Variants in BABAM1 observed in about 807,000 individuals in gnomAD.
BABAM1 encodes BRISC and BRCA1 A complex member 1.
A neutral mutation model predicts 34.4 loss-of-function variants in BABAM1; 14 were observed. That is an observed-to-expected ratio of 0.41 (90% confidence interval 0.27 to 0.64). BABAM1 has a LOEUF of 0.64. BABAM1 is among the 30% of genes least tolerant of loss of function. The probability of loss-of-function intolerance (pLI) is 0.34; values close to 1 mark genes in which losing one functional copy is unlikely to be tolerated. For missense variants in BABAM1, 393 were observed against 434.0 expected, an observed-to-expected ratio of 0.91 and a Z score of 0.84; for synonymous variants, 169 against 165.8, an observed-to-expected ratio of 1.02 and a Z score of -0.15.
At position 17,276,619 on chromosome 19, in the gene BABAM1, A is replaced by G. The variant is rs1368037577; in HGVS notation, c.694A>G (p.Met232Val). 6.2e-7 allele frequency: 1 copy of G among 1,603,998 alleles called. No homozygotes were observed. Among genetic ancestry groups the G allele is most frequent in the East Asian group, 2.2e-5 (1 of 44,470 alleles). Reference sequence around the variant, plus strand: ...GCCCCAGTTCTCCTTGACGGAGCCCATGAAGGTGGGTGAGGCCTGGGAGAG... The same window carrying G: ...GCCCCAGTTCTCCTTGACGGAGCCCGTGAAGGTGGGTGAGGCCTGGGAGAG... ...CQPQFSLTEP[M>V]KKMFQCPYFF... The change falls in exon 7 of 9, where the codon ATG (methionine) becomes GTG (valine). Residue 232 changes from methionine to valine, a missense_variant. Met to Val is a conservative substitution (Grantham distance 21, BLOSUM62 1). Transcript: ENST00000598188.
chr19:17,268,353 A>C (rs1248964231), intron 1 of BABAM1, among the ~76,000 whole-genome samples: 3 of 151,734 alleles, frequency 2.0e-5, no homozygotes, highest in Admixed American at 2.0e-4. Flanking sequence ...GCAGCTGAGG[A>C]AAGTGACTCC....
intron 3 of BABAM1, 120 bp downstream of exon 3, chr19:17,271,775 A>G: frequency 3.4e-6 from 4 of 1,160,570 alleles, no homozygotes; most frequent in East Asian, 2.6e-5. Flanking sequence ...GCTTGGCAGT[A>G]TCAGAGATTA....
chr19:17,270,524 CTTTTTTTTTTTT>C (rs955870596), intron 2 of BABAM1, among the ~76,000 whole-genome samples: 1 of 125,894 alleles, frequency 7.9e-6, no homozygotes, highest in African/African-American at 3.0e-5. Flanking sequence ...AGGTCACATT[CTTTTTTTTTTTT>C]TTTTTTTTGA....
At chr19:17,269,507 C>T (rs141393687) in intron 2 of BABAM1, among the ~76,000 whole-genome samples, 3,750 of 151,818 alleles carry the variant, frequency 0.025, 157 homozygotes, top group African/African-American at 0.085. Flanking sequence ...CCCACCACAA[C>T]GCCCGGCTAA....
intron 2 of BABAM1, among the ~76,000 whole-genome samples, chr19:17,270,711 G>A (rs1406272684): frequency 2.0e-5 from 3 of 150,976 alleles, no homozygotes; most frequent in East Asian, 3.9e-4. Context: ...TTTTTGAGAC[G>A]GAGTCTCGCT....
chr19:17,273,991 T>C lies in BABAM1; in HGVS notation c.432T>C (p.Phe144=). Residue 144 remains phenylalanine, a synonymous_variant, in exon 4 of 9, where the codon TTT becomes TTC. Coordinates refer to ENST00000598188, the MANE Select transcript of BABAM1 (RefSeq NM_014173.4). ...ACAAGATCGACAAAAGCCACGAGTT[T>C]GCACTGGTGGTGGTGAACGATGACA... The part of the protein sequence containing the change: ...TKHKIDKSHE[F]ALVVVNDDTA... 1 of 1,613,958 alleles carries C rather than the reference T, an allele frequency of 6.2e-7. No homozygotes were observed. Among genetic ancestry groups the C allele is most frequent in the South Asian group, 1.1e-5 (1 of 91,082 alleles).
intron 1 of BABAM1, among the ~76,000 whole-genome samples, chr19:17,267,986 G>C (rs997177983): frequency 6.6e-5 from 10 of 152,072 alleles, no homozygotes; most frequent in African/African-American, 2.2e-4. Flanking sequence ...GCTGGGTCCA[G>C]GTGGTCAGAA....
Position 17,279,165 on chromosome 19 carries a change from G to A in BABAM1, c.*117G>A. 2 of 1,083,622 alleles carry A rather than the reference G, an allele frequency of 1.8e-6. No homozygotes were observed. Among genetic ancestry groups the A allele is most frequent in the Admixed American group, 2.3e-5 (1 of 43,012 alleles). The allele number at this position is 1,083,622 out of a possible 1,614,324, so 67.1% of individuals were successfully genotyped here. A position where few individuals can be genotyped will look rare whatever the true frequency, so the allele number is the denominator to read the frequency against. Reference sequence around the variant, plus strand: ...GGGGGGGTTCCAGGAGGCACGTAGGGTACCTTGCAGGGTCCTAGGAGGGAA... The same window carrying A: ...GGGGGGGTTCCAGGAGGCACGTAGGATACCTTGCAGGGTCCTAGGAGGGAA... On this transcript the variant is annotated 3_prime_UTR_variant, in exon 9 of 9. Coordinates refer to ENST00000598188, the MANE Select transcript of BABAM1 (RefSeq NM_014173.4).
intron 8 of BABAM1, 57 bp from the exon 9 acceptor site, chr19:17,278,788 C>T: frequency 1.3e-6 from 2 of 1,508,884 alleles, no homozygotes; most frequent in Admixed American, 1.9e-5. Flanking sequence ...ATATGAAGGG[C>T]CTGTTGGGGT....
chr19:17,271,544 G>C (rs2073840742), intron 2 of BABAM1, 53 bp from the exon 3 acceptor site: 1 of 1,588,906 alleles, frequency 6.3e-7, no homozygotes, highest in Non-Finnish European at 8.6e-7. Context: ...TGAGTGGTGT[G>C]GGGGCCAACG....
chr19:17,273,822 C>G, intron 3 of BABAM1, 82 bp from the exon 4 acceptor site: 1 of 1,489,624 alleles, frequency 6.7e-7, no homozygotes, highest in Non-Finnish European at 9.0e-7. Flanking sequence ...CTCAGCCTCC[C>G]AAAGTACTGG....
intron 3 of BABAM1, among the ~76,000 whole-genome samples, chr19:17,272,468 C>T (rs1040689051): frequency 2.0e-5 from 3 of 150,188 alleles, no homozygotes; most frequent in South Asian, 4.4e-4. Flanking sequence ...TGCAGTGGTG[C>T]GATCTCCGCT....
chr19:17,276,563 C>T lies in BABAM1; in HGVS notation c.638C>T (p.Thr213Ile). 6.2e-7 allele frequency: 1 copy of T among 1,605,870 alleles called. No individual in the cohort carries two copies. Among genetic ancestry groups the T allele is most frequent in the African/African-American group, 1.3e-5 (1 of 74,802 alleles). ...ATTCCCCCGCCATATGTGGTCCGCA[C>T]CATCCTTGTCTACAGCCGTCCACCT... ...QTIPPPYVVR[T>I]ILVYSRPPCQ... The change falls in exon 7 of 9, where the codon ACC becomes ATC. Residue 213 changes from threonine to isoleucine, a missense_variant. By Grantham distance (89) the Thr-to-Ile change is moderately conservative. Transcript: ENST00000598188.
In BABAM1 at chr19:17,274,169, C is replaced by A; in HGVS notation, c.528C>A (p.Ala176=). 6.2e-7 allele frequency: 1 copy of A among 1,613,278 alleles called. No homozygotes were observed. The highest frequency in any genetic ancestry group is 1.1e-5 in the South Asian group (1 of 91,046). The part of the protein sequence containing the change: ...LCSCLYDLET[A]SCSTFNLEGL... ...GCTGCCTCTATGATCTGGAGACGGC[C>A]TCCTGTTCCACCTTCAGTATCCTTC... Residue 176 remains alanine (A), a synonymous_variant, in exon 5 of 9, where the codon GCC becomes GCA. Coordinates refer to ENST00000598188, the MANE Select transcript of BABAM1 (RefSeq NM_014173.4).
At chr19:17,273,625 G>A (rs1284488079) in intron 3 of BABAM1, among the ~76,000 whole-genome samples, 3 of 144,154 alleles carry the variant, frequency 2.1e-5, no homozygotes, top group Middle Eastern at 3.6e-3. Flanking sequence ...CTGCAGTGGC[G>A]CGATCTCAGC....
intron 7 of BABAM1, 50 bp from the exon 8 acceptor site, chr19:17,276,773 C>A (rs931575960): frequency 6.4e-7 from 1 of 1,567,130 alleles, no homozygotes. Context: ...AGTCATGGGG[C>A]ACGGGGTGAC....
intron 3 of BABAM1, among the ~76,000 whole-genome samples, chr19:17,272,852 C>T (rs1454929488): frequency 3.3e-5 from 5 of 152,142 alleles, no homozygotes; most frequent in African/African-American, 1.2e-4. Flanking sequence ...CCCCCACCTC[C>T]ACTAAAAATA....
chr19:17,273,855 G>A (rs374564806), intron 3 of BABAM1, 49 bp from the exon 4 acceptor site: 2 of 1,546,898 alleles, frequency 1.3e-6, no homozygotes, highest in Non-Finnish European at 8.7e-7. Flanking sequence ...GAGCCACTGT[G>A]CCCGGCCCTG....
At chr19:17,277,150 G>A (rs748075424) in intron 8 of BABAM1, 8 of 441,136 alleles carry the variant, frequency 1.8e-5, no homozygotes, top group Non-Finnish European at 2.4e-5. Context: ...CATCTCCAAC[G>A]TTCCCTGCGT....
Sources: gnomAD v4.1 joint callset for allele counts (sites outside exome capture counted in the v4.1 genomes callset) on GRCh38, gnomAD v4.1.1 for gene constraint, MANE v1.5 for transcripts, NCBI Gene and HGNC (gene_info 2026-07-23, HGNC 2026-07-21) for gene names.